Variants in NELL1 observed in about 807,000 individuals in gnomAD.
NELL1 encodes the protein neural EGFL like 1.
NELL1 carries 76 observed loss-of-function variants against 107.4 expected under a neutral mutation model. The observed-to-expected ratio is 0.71, with a 90% CI of 0.59 to 0.86. NELL1 has a LOEUF of 0.86. Among genes scored for constraint, NELL1 ranks in the 40% least tolerant of loss-of-function variants. NELL1 has a pLI of 0.00. For synonymous variants in NELL1, 353 were observed against 341.2 expected, an observed-to-expected ratio of 1.03 and a Z score of -0.38; for missense variants, 1,024 against 1,005.5, an observed-to-expected ratio of 1.02 and a Z score of -0.25.
intron 12 of NELL1, among the ~76,000 whole-genome samples, chr11:21,058,187 C>A (rs905854429): frequency 2.6e-5 from 4 of 151,986 alleles, no homozygotes; most frequent in Admixed American, 2.6e-4. Context: ...TGAAACAAAT[C>A]TGTACAAATT....
At chr11:21,066,688 G>C (rs1853879653) in intron 12 of NELL1, among the ~76,000 whole-genome samples, 1 of 152,110 alleles carries the variant, frequency 6.6e-6, no homozygotes, top group African/African-American at 2.4e-5. Context: ...GGTGGCTCAT[G>C]ACTGTAATCT....
At chr11:21,416,808 A>C (rs1852529912) in intron 15 of NELL1, among the ~76,000 whole-genome samples, 2 of 152,120 alleles carry the variant, frequency 1.3e-5, no homozygotes. Flanking sequence ...TTGCAGTGAC[A>C]CATATGGAAA....
chr11:20,825,478 T>A (rs1731500902), intron 3 of NELL1, among the ~76,000 whole-genome samples: 1 of 151,458 alleles, frequency 6.6e-6, no homozygotes, highest in Admixed American at 6.6e-5. Context: ...GGAGTCCACC[T>A]CTTGCATCTG....
At chr11:21,246,719 A>T (rs1307690094) in intron 14 of NELL1, among the ~76,000 whole-genome samples, 1 of 152,148 alleles carries the variant, frequency 6.6e-6, no homozygotes, top group East Asian at 1.9e-4. Flanking sequence ...CATGCTGCTG[A>T]TAGAGACATA....
chr11:21,402,236 G>T (rs11600040), intron 15 of NELL1, among the ~76,000 whole-genome samples: 2 of 151,734 alleles, frequency 1.3e-5, no homozygotes, highest in African/African-American at 4.8e-5. Flanking sequence ...TTACACTCTA[G>T]AATGATTCTA....
In NELL1 at chr11:20,847,682, A is replaced by G; in HGVS notation, c.435A>G (p.Ala145=). The change falls in exon 4 of 20, where the codon GCA becomes GCG. Residue 145 remains alanine (A), a synonymous_variant. Coordinates refer to ENST00000357134, the MANE Select transcript of NELL1 (RefSeq NM_006157.5). Reference sequence around the variant, plus strand: ...CAGAGGCACTTCCTTACCGCATGGCAGATGGACAATGGCACAAGGTTGCAC... The same window carrying G: ...CAGAGGCACTTCCTTACCGCATGGCGGATGGACAATGGCACAAGGTTGCAC... ...PRTEALPYRM[A]DGQWHKVALS... is the part of the protein sequence containing the mutation. 6.2e-7 allele frequency: 1 copy of G among 1,613,794 alleles called. No homozygotes were observed.
chr11:21,549,387 T>C (rs1360893180), intron 16 of NELL1, among the ~76,000 whole-genome samples: 2 of 151,918 alleles, frequency 1.3e-5, no homozygotes, highest in Non-Finnish European at 2.9e-5. Context: ...TCAATAAAAG[T>C]ACCTAGGGTG....
chr11:20,973,333 C>T (rs1851539224), intron 12 of NELL1, among the ~76,000 whole-genome samples: 1 of 152,100 alleles, frequency 6.6e-6, no homozygotes, highest in South Asian at 2.1e-4. Flanking sequence ...GTCTCAAACT[C>T]CTGACCTCAG....
chr11:21,514,936 G>A (rs1033236123), intron 15 of NELL1, among the ~76,000 whole-genome samples: 1 of 152,144 alleles, frequency 6.6e-6, no homozygotes. Context: ...TGATACTAAT[G>A]GTCACAGCGA....
At chr11:21,521,887 C>A (rs1252247561) in intron 15 of NELL1, among the ~76,000 whole-genome samples, 1 of 152,136 alleles carries the variant, frequency 6.6e-6, no homozygotes, top group African/African-American at 2.4e-5. Flanking sequence ...TACTTTTGGT[C>A]ATTCATATGT....
chr11:21,026,365 G>T (rs1590555217), intron 12 of NELL1, among the ~76,000 whole-genome samples: 1 of 151,984 alleles, frequency 6.6e-6, no homozygotes, highest in Non-Finnish European at 1.5e-5. Context: ...TTCTCCATTT[G>T]GGCCTTTGAA....
intron 2 of NELL1, among the ~76,000 whole-genome samples, chr11:20,730,449 C>A (rs1015089853): frequency 6.6e-6 from 1 of 152,146 alleles, no homozygotes; most frequent in African/African-American, 2.4e-5. Context: ...CATTGTATTT[C>A]ATTCTCATAG....
intron 15 of NELL1, among the ~76,000 whole-genome samples, chr11:21,415,832 G>A (rs1852506442): frequency 6.6e-6 from 1 of 152,044 alleles, no homozygotes; most frequent in Admixed American, 6.6e-5. Context: ...GAAACTCAGG[G>A]ATGTATGCCA....
intron 12 of NELL1, among the ~76,000 whole-genome samples, chr11:21,059,944 A>C (rs1853699974): frequency 6.6e-6 from 1 of 152,214 alleles, no homozygotes; most frequent in Admixed American, 6.5e-5. Context: ...AATGTCTAGT[A>C]ACAAGAAACT....
At chr11:21,274,957 A>G (rs1344796780) in intron 14 of NELL1, among the ~76,000 whole-genome samples, 1 of 152,236 alleles carries the variant, frequency 6.6e-6, no homozygotes, top group African/African-American at 2.4e-5. Context: ...AGAAAGATCT[A>G]AAATTGATAC....
intron 14 of NELL1, among the ~76,000 whole-genome samples, chr11:21,275,123 G>A (rs992833356): frequency 2.0e-5 from 3 of 152,010 alleles, no homozygotes; most frequent in Non-Finnish European, 4.4e-5. Context: ...CTGGTTTTTT[G>A]AAAAGATCAA....
At chr11:20,671,489 C>T (rs1328073786) in intron 1 of NELL1, among the ~76,000 whole-genome samples, 1 of 152,146 alleles carries the variant, frequency 6.6e-6, no homozygotes, top group Non-Finnish European at 1.5e-5. Context: ...GCCAAAGTAC[C>T]CTTATCACGG....
At chr11:21,446,975 C>G (rs1420309044) in intron 15 of NELL1, among the ~76,000 whole-genome samples, 2 of 152,194 alleles carry the variant, frequency 1.3e-5, no homozygotes, top group African/African-American at 2.4e-5. Context: ...TAAGCTGACC[C>G]TGAAACCACA....
At chr11:20,969,606 A>G (rs1266540538) in intron 12 of NELL1, among the ~76,000 whole-genome samples, 1 of 152,040 alleles carries the variant, frequency 6.6e-6, no homozygotes, top group Non-Finnish European at 1.5e-5. Context: ...TCTGTTTTCT[A>G]ACATTTTTCT....
Sources: allele counts gnomAD v4.1 joint callset (sites outside exome capture counted in the v4.1 genomes callset), GRCh38; gene constraint gnomAD v4.1.1; transcripts MANE v1.5; gene names NCBI Gene and HGNC (gene_info 2026-07-23, HGNC 2026-07-21).